The following PKN3 variants were observed in gnomAD, a reference collection of about 807,000 sequenced individuals.
The protein encoded by PKN3 is protein kinase N3, also known as serine/threonine-protein kinase N3.
In PKN3, 91 loss-of-function variants were observed where a neutral mutation model predicts 113.1. The observed-to-expected ratio is 0.80, with a 90% confidence interval of 0.68 to 0.96. The LOEUF (loss-of-function observed/expected upper bound fraction) is 0.96. Ranked by LOEUF, PKN3 falls within the 40% of genes least tolerant of loss-of-function variation. The pLI is 0.00. For synonymous variants in PKN3, 467 were observed against 499.0 expected (o/e 0.94, Z 0.85); for missense variants, 1,052 against 1,202.2 (o/e 0.88, Z 1.85).
At position 128,720,515 on chromosome 9, in the gene PKN3, C is replaced by T; in HGVS notation, c.2579C>T (p.Thr860Ile). 6.2e-7 allele frequency: 1 copy of T among 1,613,438 alleles called. No homozygotes were observed. ...GEFTGLPPALTPPAPHSLLTA... is the reference protein window; with the variant it reads ...GEFTGLPPALIPPAPHSLLTA... ...TTCACAGGGCTGCCGCCTGCCCTGA[C>T]CCCACCTGCACCCCACAGCCTCCTC... The change falls in exon 22 of 22, where the codon ACC becomes ATC. Residue 860 changes from threonine (T) to isoleucine (I), a missense_variant. Thr to Ile is a moderately conservative substitution (Grantham distance 89, BLOSUM62 -1). Coordinates refer to ENST00000291906, the MANE Select transcript of PKN3 (RefSeq NM_013355.5). The surrounding 1 kb of genome is among the most constrained non-coding windows in gnomAD (Gnocchi z 5.5).
rs147516923 is a variant in PKN3, at chr9:128,713,188, C to T, written c.972C>T (p.Gly324=). The T allele has an allele frequency of 9.8e-5, 157 of 1,606,412 alleles. No homozygotes were observed. The African/African-American group carries it at 1.0e-3, about 11-fold the overall frequency. Residue 324 remains glycine, a synonymous_variant, in exon 7 of 22, where the codon GGC becomes GGT. Coordinates refer to ENST00000291906, the MANE Select transcript of PKN3 (RefSeq NM_013355.5). ...AGGCCAAGCACCAGCGTGGCCGAGG[C>T]GAGCTTGCCAGTGAGTAGGGAAGGA... ...RTKAKHQRGR[G]ELASEVLAVL...
chr9:128,716,614 TGAAAA>T lies in PKN3; in HGVS notation c.1809-128_1809-124del, dbSNP rs1477565782. On this transcript the variant is annotated intron_variant, in intron 15 of 21. Transcript: ENST00000291906. ...CTGTGTCTCAAAAAAAAAAAAAAAATGAAAAGAAACCATCAGTCTACTTGCCTGGC... is the reference window on the plus strand; with the variant it reads ...CTGTGTCTCAAAAAAAAAAAAAAAATGAAACCATCAGTCTACTTGCCTGGC... 5.2e-5 allele frequency: 32 copies of T among 616,822 alleles called. No homozygotes were observed. The Admixed American group carries it at 7.5e-4, about 15-fold the overall frequency. 38.2% of individuals were successfully genotyped at this position (616,822 alleles called of 1,614,324 possible).
At position 128,720,251 on chromosome 9, in the gene PKN3, G is replaced by A. The variant is rs371913170; in HGVS notation, c.2425G>A (p.Ala809Thr). 6.2e-7 allele frequency: 1 copy of A among 1,613,868 alleles called. No homozygotes were observed. Among genetic ancestry groups the A allele is most frequent in the African/African-American group, 1.3e-5 (1 of 74,940 alleles). Residue 809 changes from alanine to threonine, a missense_variant, in exon 21 of 22, where the codon GCC (alanine) becomes ACC (threonine). Coordinates refer to ENST00000291906, the MANE Select transcript of PKN3 (RefSeq NM_013355.5). The surrounding 1 kb of genome is among the most constrained non-coding windows in gnomAD (Gnocchi z 5.5). ...GCGCCTCGGGGCAGGTGAGCAGGAT[G>A]CCGAGGAGATCAAGGTCCAGCCATT... ...EKRLGAGEQD[A>T]EEIKVQPFFR...
At chr9:128,710,506 T>G (rs946207382) in intron 6 of PKN3, among the ~76,000 whole-genome samples, 6 of 152,108 alleles carry the variant, frequency 3.9e-5, no homozygotes, top group African/African-American at 1.4e-4. Context: ...TTTCTTTTTT[T>G]TTTGAGATGG....
rs532644817 is a variant in PKN3 at position 128,703,726 on chromosome 9, C to T, written c.24+787C>T. On this transcript the variant is annotated intron_variant, in intron 1 of 21. Transcript: ENST00000291906. ...GGCAGACGGGACCATGGGGGTGTTG[C>T]GGGGTGCGTGTAGACTCCTTGAGCG... The T allele has an allele frequency of 2.3e-5, 23 of 985,376 alleles. No individual in the cohort carries two copies. In the South Asian group the frequency reaches 7.5e-4, roughly 32 times the overall value. The allele number at this position is 985,376 out of a possible 1,614,324, so 61.0% of individuals were successfully genotyped here. A position where few individuals can be genotyped will look rare whatever the true frequency, so the allele number is the denominator to read the frequency against.
chr9:128,714,893 T>G, intron 13 of PKN3, 28 bp downstream of exon 13: 1 of 1,601,558 alleles, frequency 6.2e-7, no homozygotes, highest in Non-Finnish European at 8.6e-7. Context: ...CCTTCATGTT[T>G]GAGACGTTCG....
chr9:128,717,113 G>GTTTTTTTTT (rs1554781180), intron 16 of PKN3, among the ~76,000 whole-genome samples, 190 bp downstream of exon 16: 10 of 14,444 alleles, frequency 6.9e-4, no homozygotes, highest in African/African-American at 1.0e-3. Context: ...TGTGCATTAG[G>GTTTTTTTTT]TTTCTTTTTT....
chr9:128,714,590 G>A lies in PKN3; in HGVS notation c.1510G>A (p.Gly504Ser), dbSNP rs147486451. 20 of 1,320,376 alleles carry A rather than the reference G, an allele frequency of 1.5e-5. No homozygotes were observed. Among genetic ancestry groups the A allele is most frequent in the Non-Finnish European group, 2.0e-5 (18 of 911,804 alleles). 81.8% of individuals were successfully genotyped at this position (1,320,376 alleles called of 1,614,324 possible). A position where few individuals can be genotyped will look rare whatever the true frequency, so the allele number is the denominator to read the frequency against. The change falls in exon 12 of 22, where the codon GGT becomes AGT. Residue 504 changes from glycine to serine, a missense_variant. Transcript: ENST00000291906. ...SNFLPKKTPL[G>S]EEMTPPPKPP... ...TTTCCTGCCCAAGAAGACCCCCTTG[G>A]GTGAAGAGATGACACCCCCACCCAA...
At chr9:128,707,996 C>G (rs1253405911) in intron 6 of PKN3, among the ~76,000 whole-genome samples, 6 of 149,584 alleles carry the variant, frequency 4.0e-5, no homozygotes, top group African/African-American at 1.2e-4. Flanking sequence ...GATTGAACCC[C>G]GGAGGCGGAG....
chr9:128,711,683 C>T (rs1380031481), intron 6 of PKN3, among the ~76,000 whole-genome samples: 1 of 151,744 alleles, frequency 6.6e-6, no homozygotes, highest in Non-Finnish European at 1.5e-5. Context: ...ACTGCAACCT[C>T]CGCCTCCCAG....
intron 6 of PKN3, among the ~76,000 whole-genome samples, chr9:128,709,208 C>A (rs1204618974): frequency 1.3e-5 from 2 of 151,812 alleles, no homozygotes; most frequent in African/African-American, 4.8e-5. Context: ...TGGCGGGAAC[C>A]CCGGGGGGCG....
At position 128,720,618 on chromosome 9, in the gene PKN3, G is replaced by A. The variant is rs750061197; in HGVS notation, c.*12G>A. 1 of 1,607,288 alleles carries A rather than the reference G, an allele frequency of 6.2e-7. No individual in the cohort carries two copies. Among genetic ancestry groups the A allele is most frequent in the South Asian group, 1.1e-5 (1 of 90,724 alleles). ...TCCTGGAACCCTGAGGGCATCTCCTGGCACCTCTGTCCCCTTCCCCCACAG... is the reference window on the plus strand; with the variant it reads ...TCCTGGAACCCTGAGGGCATCTCCTAGCACCTCTGTCCCCTTCCCCCACAG... On this transcript the variant is annotated 3_prime_UTR_variant, in exon 22 of 22. Transcript: ENST00000291906. The surrounding 1 kb of genome is among the most constrained non-coding windows in gnomAD (Gnocchi z 5.5).
In PKN3 at chr9:128,719,970, C is replaced by G; in HGVS notation, c.2329C>G (p.Pro777Ala). Reference protein sequence around the residue: ...VFDCIVNMDAPYPGFLSVQGL... With the variant: ...VFDCIVNMDAAYPGFLSVQGL... ...TGACTGCATCGTCAACATGGACGCCCCCTACCCCGGCTTTCTGTCGGTGCA... is the reference window on the plus strand; with the variant it reads ...TGACTGCATCGTCAACATGGACGCCGCCTACCCCGGCTTTCTGTCGGTGCA... Residue 777 changes from proline to alanine, a missense_variant, in exon 20 of 22, where the codon CCC (proline) becomes GCC (alanine). Pro to Ala is a conservative substitution (Grantham distance 27). Transcript: ENST00000291906. 6.2e-7 allele frequency: 1 copy of G among 1,614,102 alleles called. No individual in the cohort carries two copies. Among genetic ancestry groups the G allele is most frequent in the Non-Finnish European group, 8.5e-7 (1 of 1,179,970 alleles).
intron 9 of PKN3, 33 bp downstream of exon 9, chr9:128,713,675 G>A: frequency 6.2e-7 from 1 of 1,608,544 alleles, no homozygotes; most frequent in Non-Finnish European, 8.5e-7. Flanking sequence ...GACTTGGTGG[G>A]ACCCTGGGGC....
In PKN3 at chr9:128,719,777, T is replaced by C; in HGVS notation, c.2217T>C (p.Ala739=). Residue 739 remains alanine (A), a synonymous_variant, in exon 19 of 22, where the codon GCT becomes GCC. Coordinates refer to ENST00000291906, the MANE Select transcript of PKN3 (RefSeq NM_013355.5). ...TGACCCAGGAGGCATACACACGGGC[T>C]GTGGACTGGTGGGGGCTGGGTGTGC... ...EVLTQEAYTR[A]VDWWGLGVLL... 1 of 1,606,596 alleles carries C rather than the reference T, an allele frequency of 6.2e-7. No homozygotes were observed.
chr9:128,705,689 CG>C, intron 2 of PKN3, 44 bp from the exon 3 acceptor site: 3 of 1,555,530 alleles, frequency 1.9e-6, no homozygotes, highest in Non-Finnish European at 2.6e-6. Flanking sequence ...GTGGGGGTCT[CG>C]GCTCTGGGTG....
chr9:128,714,504 A>G (rs112514626), intron 11 of PKN3, 58 bp from the exon 12 acceptor site: 31 of 987,640 alleles, frequency 3.1e-5, no homozygotes, highest in Admixed American at 2.7e-4. Context: ...TGGTGTGTCC[A>G]TCCTGCCAGC....
At chr9:128,718,076 A>G (rs1450899492) in intron 16 of PKN3, among the ~76,000 whole-genome samples, 1 of 150,542 alleles carries the variant, frequency 6.6e-6, no homozygotes, top group African/African-American at 2.4e-5. Flanking sequence ...CACTGCAGGG[A>G]CCAACACTTG....
At position 128,713,089 on chromosome 9, in the gene PKN3, G is replaced by A; in HGVS notation, c.873G>A (p.Leu291=). Residue 291 remains leucine (L), a synonymous_variant, in exon 7 of 22, where the codon TTG becomes TTA. Coordinates refer to ENST00000291906, the MANE Select transcript of PKN3 (RefSeq NM_013355.5). ...TCCGCCTCCTGGGCTGTGAACAGTTGCTGACAGCCGTGCCTGGGCGCTCCC... is the reference window on the plus strand; with the variant it reads ...TCCGCCTCCTGGGCTGTGAACAGTTACTGACAGCCGTGCCTGGGCGCTCCC... The part of the protein sequence containing the change: ...LQVRLLGCEQ[L]LTAVPGRSPA... 2 of 1,612,028 alleles carry A rather than the reference G, an allele frequency of 1.2e-6. No individual in the cohort carries two copies. Among genetic ancestry groups the A allele is most frequent in the Non-Finnish European group, 1.7e-6 (2 of 1,179,232 alleles).
Sources: allele counts gnomAD v4.1 joint callset (sites outside exome capture counted in the v4.1 genomes callset), GRCh38; gene constraint gnomAD v4.1.1; non-coding constraint Gnocchi (gnomAD v3.1); transcripts MANE v1.5; gene names NCBI Gene and HGNC (gene_info 2026-07-23, HGNC 2026-07-21).